Variants in NOTCH2NLA observed in about 807,000 individuals in gnomAD.
NOTCH2NLA encodes notch homolog 2 N-terminal-like protein A.
In NOTCH2NLA at chr1:146,180,873, C is replaced by T. The variant is rs1330413140; in HGVS notation, c.38+8427G>A. Among the ~76,000 whole-genome samples the T allele has an allele frequency of 4.4e-5, 5 of 113,550 alleles. 1 individual carries two copies. Among genetic ancestry groups the T allele is most frequent in the African/African-American group, 8.4e-5 (3 of 35,644 alleles). The allele number at this position is 113,550 out of a possible 152,430, so 74.5% of individuals were successfully genotyped here. A position where few individuals can be genotyped will look rare whatever the true frequency, so the allele number is the denominator to read the frequency against. On this transcript the variant is annotated intron_variant, in intron 2 of 4. Coordinates refer to ENST00000362074, the Ensembl canonical transcript of NOTCH2NLA. ...TATTCTGATATCCCCCATTCCTTTG[C>T]TATCATTCATAAGGGCAGATGTAGA...
rs1243961491 is a variant in NOTCH2NLA, at chr1:146,187,969, G to A, written c.38+1331C>T. 3.0e-5 allele frequency among the ~76,000 whole-genome samples: 4 copies of A among 134,668 alleles called. 1 individual carries two copies. Among genetic ancestry groups the A allele is most frequent in the Non-Finnish European group, 5.1e-5 (3 of 58,296 alleles). The allele number at this position is 134,668 out of a possible 152,430, so 88.3% of individuals were successfully genotyped here. ...ATTGTTAAGCTTTACTGTCATCACA[G>A]CTTAATTTTCACTTTAGTGAAGAAA... On this transcript the variant is annotated intron_variant, in intron 2 of 4. Coordinates refer to ENST00000362074, the Ensembl canonical transcript of NOTCH2NLA.
chr1:146,187,382 G>C (rs1662833809), intron 2 of NOTCH2NLA, among the ~76,000 whole-genome samples: 5 of 134,588 alleles, frequency 3.7e-5, no homozygotes. Context: ...ATAATCCTTT[G>C]GGTATATACT....
chr1:146,158,277 T>C (rs1313449145), intron 3 of NOTCH2NLA, among the ~76,000 whole-genome samples: 1 of 146,426 alleles, frequency 6.8e-6, no homozygotes, highest in Non-Finnish European at 1.5e-5. Flanking sequence ...TAACTCGTCA[T>C]TTACATTAGG....
At chr1:146,159,294 G>A (rs1386528755) in intron 3 of NOTCH2NLA, among the ~76,000 whole-genome samples, 2 of 150,730 alleles carry the variant, frequency 1.3e-5, no homozygotes, top group African/African-American at 4.9e-5. Flanking sequence ...AGAGGTGGAG[G>A]TTGCAGTGAG....
chr1:146,159,445 A>AAGAAAGAAAGAG (rs1206207751), intron 3 of NOTCH2NLA, among the ~76,000 whole-genome samples: 1 of 139,716 alleles, frequency 7.2e-6, no homozygotes, highest in Non-Finnish European at 1.6e-5. Context: ...GAAAGAAAGA[A>AAGAAAGAAAGAG]AGAGAAAGAA....
rs1335164317 is a variant in NOTCH2NLA at position 146,180,421 on chromosome 1, TAGG to T, written c.38+8876_38+8878del. On this transcript the variant is annotated intron_variant, in intron 2 of 4. Transcript: ENST00000362074. Reference sequence around the variant, plus strand: ...CATAAAGATCAAGTAGAAGACTGTTTAGGAGAAGAGCATTTTGAGCAGAAATTA... The same window carrying T: ...CATAAAGATCAAGTAGAAGACTGTTTAGAAGAGCATTTTGAGCAGAAATTA... 1.4e-5 allele frequency among the ~76,000 whole-genome samples: 2 copies of T among 140,986 alleles called. 1 individual carries two copies. Among genetic ancestry groups the T allele is most frequent in the Non-Finnish European group, 3.2e-5 (2 of 61,684 alleles). The allele number at this position is 140,986 out of a possible 152,430, so 92.5% of individuals were successfully genotyped here.
In NOTCH2NLA at chr1:146,170,916, CT is replaced by C. The variant is rs1661936785; in HGVS notation, c.39-5907del. 1.4e-5 allele frequency among the ~76,000 whole-genome samples: 2 copies of C among 138,472 alleles called. 1 individual carries two copies. The highest frequency in any genetic ancestry group is 4.4e-4 in the South Asian group (2 of 4,530). The allele number at this position is 138,472 out of a possible 152,430, so 90.8% of individuals were successfully genotyped here. A position where few individuals can be genotyped will look rare whatever the true frequency, so the allele number is the denominator to read the frequency against. On this transcript the variant is annotated intron_variant, in intron 2 of 4. Coordinates refer to ENST00000362074, the Ensembl canonical transcript of NOTCH2NLA. ...CTTCTTCACCTTTTTAGTGGTGCTT[CT>C]ATGCTTAACAGTAGTAATAATAATC...
chr1:146,178,082 G>C (rs879977200), intron 2 of NOTCH2NLA, among the ~76,000 whole-genome samples: 1 of 140,344 alleles, frequency 7.1e-6, no homozygotes, highest in South Asian at 2.2e-4. Context: ...AACAACCAAA[G>C]AGAAGGAACA....
At position 146,210,638 on chromosome 1, in the gene NOTCH2NLA, G is replaced by C. The variant is rs1427121900; in HGVS notation, c.-45+18071C>G. 5.9e-5 allele frequency among the ~76,000 whole-genome samples: 6 copies of C among 102,106 alleles called. 1 individual carries two copies. Among genetic ancestry groups the C allele is most frequent in the Admixed American group, 3.2e-4 (3 of 9,292 alleles). 67.0% of individuals were successfully genotyped at this position (102,106 alleles called of 152,430 possible). A position where few individuals can be genotyped will look rare whatever the true frequency, so the allele number is the denominator to read the frequency against. Reference sequence around the variant, plus strand: ...ACACACACACACGCACACACACACAGAGTTAAATCAGAGATACTTAATTCA... The same window carrying C: ...ACACACACACACGCACACACACACACAGTTAAATCAGAGATACTTAATTCA... On this transcript the variant is annotated intron_variant, in intron 1 of 4. Transcript: ENST00000362074.
intron 2 of NOTCH2NLA, among the ~76,000 whole-genome samples, chr1:146,172,834 C>T (rs1469694242): frequency 6.9e-6 from 1 of 145,156 alleles, no homozygotes; most frequent in East Asian, 1.9e-4. Context: ...CTGTCTTGAA[C>T]CCTTGGTGTA....
intron 1 of NOTCH2NLA, among the ~76,000 whole-genome samples, chr1:146,228,221 G>C (rs1664297529): frequency 6.7e-6 from 1 of 149,536 alleles, no homozygotes; most frequent in African/African-American, 2.5e-5. Context: ...CCTGGCAAAG[G>C]CGAGGCTGGC....
At chr1:146,205,330 C>CT (rs1209626534) in intron 1 of NOTCH2NLA, among the ~76,000 whole-genome samples, 1 of 31,282 alleles carries the variant, frequency 3.2e-5, no homozygotes, top group East Asian at 4.1e-4. Context: ...ATATAATAAG[C>CT]TTTACTTAGA....
Position 146,158,276 on chromosome 1 carries a change from A to T in NOTCH2NLA, c.299-1461T>A, listed in dbSNP as rs1203687351. ...GGTGTGCTGCACCCATTAACTCGTC[A>T]TTTACATTAGGTACATCTCCTAATG... On this transcript the variant is annotated intron_variant, in intron 3 of 4. Transcript: ENST00000362074. Among the ~76,000 whole-genome samples, 5 of 145,816 alleles carry T rather than the reference A, an allele frequency of 3.4e-5. No homozygotes were observed. In the East Asian group the frequency reaches 1.0e-3, roughly 30 times the overall value.
At position 146,185,483 on chromosome 1, in the gene NOTCH2NLA, A is replaced by T. The variant is rs1662714378; in HGVS notation, c.38+3817T>A. On this transcript the variant is annotated intron_variant, in intron 2 of 4. Coordinates refer to ENST00000362074, the Ensembl canonical transcript of NOTCH2NLA. ...ATTATACAAGTTCTCCTAATCTGGC[A>T]TCAAAATCTAATCACAGACTGATAG... 1.5e-5 allele frequency among the ~76,000 whole-genome samples: 2 copies of T among 137,082 alleles called. 1 individual carries two copies. Among genetic ancestry groups the T allele is most frequent in the Non-Finnish European group, 3.4e-5 (2 of 59,142 alleles). The allele number at this position is 137,082 out of a possible 152,430, so 89.9% of individuals were successfully genotyped here.
intron 1 of NOTCH2NLA, among the ~76,000 whole-genome samples, chr1:146,203,551 C>T (rs2102349903): frequency 1.3e-4 from 1 of 7,850 alleles, no homozygotes; most frequent in Non-Finnish European, 2.9e-4. Flanking sequence ...AGAAGCATGG[C>T]CTGCTGCTCA....
At chr1:146,186,795 C>G (rs1407464167) in intron 2 of NOTCH2NLA, among the ~76,000 whole-genome samples, 1 of 132,860 alleles carries the variant, frequency 7.5e-6, no homozygotes, top group Non-Finnish European at 1.7e-5. Flanking sequence ...GTTGAATGAT[C>G]TTCAAATAGA....
chr1:146,219,818 T>C (rs1199121034), intron 1 of NOTCH2NLA, among the ~76,000 whole-genome samples: 1 of 94,772 alleles, frequency 1.1e-5, no homozygotes, highest in African/African-American at 6.1e-5. Context: ...TATATATATA[T>C]ATATAAATAA....
Position 146,187,859 on chromosome 1 carries a change from G to C in NOTCH2NLA, c.38+1441C>G, listed in dbSNP as rs1367313062. On this transcript the variant is annotated intron_variant, in intron 2 of 4. Coordinates refer to ENST00000362074, the Ensembl canonical transcript of NOTCH2NLA. ...ATGCACCACATTTTTTTTTCCCCCA[G>C]CTAGAAAAACTAAATGAGCAGCCCA... 1.5e-5 allele frequency among the ~76,000 whole-genome samples: 2 copies of C among 135,738 alleles called. 1 individual carries two copies. Among genetic ancestry groups the C allele is most frequent in the Non-Finnish European group, 3.4e-5 (2 of 58,664 alleles). The allele number at this position is 135,738 out of a possible 152,430, so 89.0% of individuals were successfully genotyped here. A position where few individuals can be genotyped will look rare whatever the true frequency, so the allele number is the denominator to read the frequency against.
intron 2 of NOTCH2NLA, among the ~76,000 whole-genome samples, chr1:146,186,943 GGT>G: frequency 7.4e-6 from 1 of 134,320 alleles, no homozygotes; most frequent in East Asian, 2.0e-4. Flanking sequence ...CATGTGCCAT[GGT>G]GGTTTGCTGC....
Sources: gnomAD v4.1 joint callset for allele counts (sites outside exome capture counted in the v4.1 genomes callset) on GRCh38, gnomAD v4.1.1 for gene constraint, MANE v1.5 for transcripts, NCBI Gene and HGNC (gene_info 2026-07-23, HGNC 2026-07-21) for gene names.